Variants in ZFHX3 observed in about 807,000 individuals in gnomAD.
ZFHX3 encodes zinc finger homeobox 3.
In ZFHX3, 42 loss-of-function variants were observed where a neutral mutation model predicts 279.1. The ratio of observed to expected loss-of-function variants is 0.15; its 90% CI spans 0.12 to 0.19. The LOEUF (loss-of-function observed/expected upper bound fraction) is 0.19. ZFHX3 is among the 10% of genes least tolerant of loss of function. The pLI is 1.00. For synonymous variants in ZFHX3, 2,293 were observed against 1,957.8 expected (o/e 1.17, Z -4.52); for missense variants, 4,981 against 4,754.0 (o/e 1.05, Z -1.40).
intron 2 of ZFHX3, among the ~76,000 whole-genome samples, chr16:73,530,292 C>T (rs1432593923): frequency 1.3e-5 from 2 of 152,120 alleles, no homozygotes; most frequent in Non-Finnish European, 2.9e-5. Context: ...CCCACTGGGT[C>T]TGTCCCACAA....
rs1326377934 is a variant in ZFHX3 at position 73,542,892 on chromosome 16, G to A, written c.-1546-86634C>T. Among the ~76,000 whole-genome samples the A allele has an allele frequency of 2.6e-5, 4 of 152,116 alleles. No individual in the cohort carries two copies. The South Asian group carries it at 8.3e-4, about 32-fold the overall frequency. On this transcript the variant is annotated intron_variant, in intron 2 of 17. Coordinates refer to the ZFHX3 transcript ENST00000641206. ...TGTGTTGGGAAGGGGTTAGAGCAAT[G>A]GAACTTCACTCTGTTGTGTAAATTT...
intron 2 of ZFHX3, among the ~76,000 whole-genome samples, chr16:73,497,112 T>C (rs2019154916): frequency 6.6e-6 from 1 of 152,244 alleles, no homozygotes; most frequent in African/African-American, 2.4e-5. Flanking sequence ...TAAACCCATA[T>C]TAACTTTCCT....
intron 7 of ZFHX3, among the ~76,000 whole-genome samples, chr16:72,802,473 T>C (rs1422850102): frequency 6.6e-6 from 1 of 152,172 alleles, no homozygotes; most frequent in African/African-American, 2.4e-5. Context: ...TCCAAACCTG[T>C]AAGTCTTGCC....
rs369256727 is a variant in ZFHX3 at position 73,135,650 on chromosome 16, G to T, written c.-1023-4556C>A. Among the ~76,000 whole-genome samples, 2 of 151,070 alleles carry T rather than the reference G, an allele frequency of 1.3e-5. 1 individual carries two copies. ...AACACTATTCTATGTGCGGATGTTC[G>T]AATCAAATTGATTGCCAACAATCAA... On this transcript the variant is annotated intron_variant, in intron 6 of 17. Transcript: ENST00000641206.
At chr16:73,228,858 G>A (rs561434228) in intron 5 of ZFHX3, among the ~76,000 whole-genome samples, 14 of 152,264 alleles carry the variant, frequency 9.2e-5, no homozygotes, top group East Asian at 3.9e-4. Flanking sequence ...CAGAGTAAGC[G>A]TAATAAACAG....
intron 4 of ZFHX3, among the ~76,000 whole-genome samples, chr16:73,281,343 C>T (rs372422096): frequency 1.3e-5 from 2 of 152,154 alleles, no homozygotes; most frequent in Admixed American, 6.5e-5. Flanking sequence ...ATGGATGAAC[C>T]CAGAGGACAC....
At chr16:72,919,279 C>T (rs1242942026) in intron 3 of ZFHX3, among the ~76,000 whole-genome samples, 1 of 152,118 alleles carries the variant, frequency 6.6e-6, no homozygotes, top group African/African-American at 2.4e-5. Flanking sequence ...CCACCTCAGC[C>T]TCCCAAGTAG....
At chr16:73,690,505 G>T (rs1196064802) in intron 1 of ZFHX3, among the ~76,000 whole-genome samples, 1 of 152,116 alleles carries the variant, frequency 6.6e-6, no homozygotes, top group East Asian at 1.9e-4. Flanking sequence ...TCACACTGTG[G>T]CAATTGTTTA....
At chr16:73,203,448 T>C (rs1238440191) in intron 5 of ZFHX3, among the ~76,000 whole-genome samples, 2 of 152,268 alleles carry the variant, frequency 1.3e-5, no homozygotes, top group Non-Finnish European at 2.9e-5. Flanking sequence ...TCTCTTTCAA[T>C]AGAGCGTAAG....
intron 4 of ZFHX3, among the ~76,000 whole-genome samples, chr16:72,840,384 G>A (rs1334673331): frequency 1.3e-5 from 2 of 152,166 alleles, no homozygotes; most frequent in Admixed American, 6.5e-5. Flanking sequence ...ATACAAGAAC[G>A]ACAGCCAGGG....
intron 8 of ZFHX3, among the ~76,000 whole-genome samples, chr16:73,083,009 C>T (rs1965968063): frequency 7.4e-6 from 1 of 134,738 alleles, no homozygotes; most frequent in South Asian, 2.5e-4. Flanking sequence ...CATGGTGAAA[C>T]TCCATCTCTA....
At chr16:73,586,291 A>C (rs2051925052) in intron 2 of ZFHX3, among the ~76,000 whole-genome samples, 1 of 152,152 alleles carries the variant, frequency 6.6e-6, no homozygotes, top group Non-Finnish European at 1.5e-5. Flanking sequence ...CAGGAGGCTC[A>C]GGCATGAAAA....
At chr16:73,301,565 T>C (rs2015056451) in intron 4 of ZFHX3, among the ~76,000 whole-genome samples, 1 of 152,092 alleles carries the variant, frequency 6.6e-6, no homozygotes. Context: ...TGGACAGGGT[T>C]AGGGGGATAC....
intron 2 of ZFHX3, among the ~76,000 whole-genome samples, chr16:73,608,106 G>A (rs1212777609): frequency 6.6e-6 from 1 of 152,088 alleles, no homozygotes; most frequent in Non-Finnish European, 1.5e-5. Context: ...TAGGGGAAGG[G>A]TGTATTTCAT....
At chr16:73,682,874 G>GA (rs758933028) in intron 1 of ZFHX3, among the ~76,000 whole-genome samples, 1,429 of 30,408 alleles carry the variant, frequency 0.047, 47 homozygotes, top group Non-Finnish European at 0.072. Flanking sequence ...AAGAAAGAAA[G>GA]AAAGAAAGAA....
intron 2 of ZFHX3, among the ~76,000 whole-genome samples, chr16:73,560,583 T>G (rs186128968): frequency 6.6e-6 from 1 of 152,332 alleles, no homozygotes; most frequent in East Asian, 1.9e-4. Context: ...TGGGTGTAAA[T>G]CCAGGTCTGG....
At position 72,958,532 on chromosome 16, in the gene ZFHX3, G is replaced by T. The variant is rs376393467; in HGVS notation, c.1614C>A (p.Asn538Lys). 4 of 1,614,040 alleles carry T rather than the reference G, an allele frequency of 2.5e-6. No individual in the cohort carries two copies. The East Asian group carries it at 6.7e-5, about 27-fold the overall frequency. ...TGCCCCTCGACAGGGTCTGGAGCAC[G>T]TTAGGCATTAAGGGGGAGTTAGAAA... ...QSISNSPLMP[N>K]VLQTLSRGTA... The change falls in exon 2 of 10, where the codon AAC becomes AAA. Residue 538 changes from asparagine to lysine, a missense_variant. This residue lies in a region of ZFHX3 where 1,068 missense variants were observed against 935.2 expected (regional missense o/e 1.14). Transcript: ENST00000268489.
intron 1 of ZFHX3, among the ~76,000 whole-genome samples, chr16:73,742,756 G>C (rs927047025): frequency 6.6e-6 from 1 of 152,154 alleles, no homozygotes; most frequent in African/African-American, 2.4e-5. Context: ...TTTCTACAGA[G>C]CTAGGAATTA....
chr16:73,605,642 AG>A (rs1164197742), intron 2 of ZFHX3, among the ~76,000 whole-genome samples: 2 of 137,604 alleles, frequency 1.5e-5, no homozygotes, highest in Admixed American at 7.6e-5. Context: ...AATCTAACAT[AG>A]GGGGAGAGTC....
Sources: allele counts gnomAD v4.1 joint callset (sites outside exome capture counted in the v4.1 genomes callset), GRCh38; gene constraint gnomAD v4.1.1; regional missense constraint gnomAD v4.1.1; transcripts MANE v1.5; gene names NCBI Gene and HGNC (gene_info 2026-07-23, HGNC 2026-07-21).